TCF7L1: variants seen among roughly 807,000 people sequenced by gnomAD.
TCF7L1 encodes the protein transcription factor 7 like 1.
TCF7L1 carries 18 observed loss-of-function variants against 63.7 expected under a neutral mutation model. That is an observed-to-expected ratio of 0.28 (90% confidence interval 0.20 to 0.42). The LOEUF (loss-of-function observed/expected upper bound fraction) is 0.42, where lower values mean the gene tolerates loss of function less well. Among genes scored for constraint, TCF7L1 ranks in the 10% least tolerant of loss-of-function variants. TCF7L1 has a pLI of 1.00. For synonymous variants in TCF7L1, 355 were observed against 340.9 expected (o/e 1.04, Z -0.46); for missense variants, 654 against 779.3 (o/e 0.84, Z 1.91).
At chr2:85,150,235 T>G (rs868636213) in intron 3 of TCF7L1, among the ~76,000 whole-genome samples, 1 of 151,624 alleles carries the variant, frequency 6.6e-6, no homozygotes, top group South Asian at 2.1e-4. Context: ...TGTTCTTGAC[T>G]CTTTTTTTTT....
intron 3 of TCF7L1, among the ~76,000 whole-genome samples, chr2:85,218,641 G>T (rs1022901660): frequency 1.4e-5 from 2 of 140,014 alleles, no homozygotes; most frequent in Non-Finnish European, 3.3e-5. Flanking sequence ...TATTCCAATG[G>T]GGGGGGGAAA....
Position 85,139,334 on chromosome 2 carries a change from T to C in TCF7L1, c.441+4884T>C, listed in dbSNP as rs1302737123. ...GATTTGCACTCTTAAAACTAATTCC[T>C]AACTCTTAAACTTCTTCAACTGAAG... On this transcript the variant is annotated intron_variant, in intron 3 of 11. Transcript: ENST00000282111. Among the ~76,000 whole-genome samples the C allele has an allele frequency of 2.0e-5, 3 of 152,306 alleles. No homozygotes were observed. The East Asian group carries it at 5.8e-4, about 29-fold the overall frequency.
At chr2:85,209,524 T>C (rs143461717) in intron 3 of TCF7L1, among the ~76,000 whole-genome samples, 2 of 152,198 alleles carry the variant, frequency 1.3e-5, no homozygotes, top group Admixed American at 6.5e-5. Context: ...GCATCTTGGG[T>C]GAGAAGAGAG....
intron 3 of TCF7L1, among the ~76,000 whole-genome samples, chr2:85,177,956 A>G (rs546138915): frequency 1.8e-4 from 27 of 152,318 alleles, no homozygotes; most frequent in Non-Finnish European, 2.9e-4. Flanking sequence ...TGCAGTAAGC[A>G]TTGGGATGGC....
At chr2:85,189,096 C>T (rs1202470342) in intron 3 of TCF7L1, among the ~76,000 whole-genome samples, 1 of 152,188 alleles carries the variant, frequency 6.6e-6, no homozygotes, top group Non-Finnish European at 1.5e-5. Context: ...ATAGACTTCT[C>T]TGCTCCTCCA....
chr2:85,171,846 C>T (rs1303763455), intron 3 of TCF7L1, among the ~76,000 whole-genome samples: 1 of 152,104 alleles, frequency 6.6e-6, no homozygotes, highest in Non-Finnish European at 1.5e-5. Context: ...GTAGAGTTTA[C>T]CGTGTACATG....
At chr2:85,271,971 C>CT (rs758788095) in intron 3 of TCF7L1, among the ~76,000 whole-genome samples, 19 of 152,190 alleles carry the variant, frequency 1.2e-4, no homozygotes, top group Non-Finnish European at 2.4e-4. Flanking sequence ...CTACCCTATT[C>CT]TTGGACAACA....
intron 3 of TCF7L1, among the ~76,000 whole-genome samples, chr2:85,211,575 T>G (rs189115959): frequency 1.6e-4 from 24 of 152,320 alleles, no homozygotes; most frequent in Non-Finnish European, 1.0e-4. Flanking sequence ...TTATAGGACC[T>G]GCTCCCTGCC....
intron 3 of TCF7L1, among the ~76,000 whole-genome samples, chr2:85,273,204 C>T (rs1681194419): frequency 6.6e-6 from 1 of 152,240 alleles, no homozygotes; most frequent in African/African-American, 2.4e-5. Flanking sequence ...AGCTCCTTCT[C>T]TCTGGCCTCT....
At chr2:85,223,212 G>A (rs538844471) in intron 3 of TCF7L1, among the ~76,000 whole-genome samples, 1 of 152,320 alleles carries the variant, frequency 6.6e-6, no homozygotes, top group African/African-American at 2.4e-5. Context: ...CTCCTGAGTA[G>A]CTGGGACTAT....
At chr2:85,296,817 G>GA (rs1230500377) in intron 4 of TCF7L1, among the ~76,000 whole-genome samples, 2 of 151,754 alleles carry the variant, frequency 1.3e-5, no homozygotes, top group Non-Finnish European at 1.5e-5. Flanking sequence ...TAGATACAGA[G>GA]AAAAAAAATT....
intron 3 of TCF7L1, among the ~76,000 whole-genome samples, chr2:85,196,036 C>T (rs969263232): frequency 6.6e-6 from 1 of 152,132 alleles, no homozygotes; most frequent in African/African-American, 2.4e-5. Flanking sequence ...GGCAGCAGCC[C>T]AGTCTGCACC....
intron 3 of TCF7L1, among the ~76,000 whole-genome samples, chr2:85,279,516 G>A (rs1681362242): frequency 6.6e-6 from 1 of 152,216 alleles, no homozygotes; most frequent in Non-Finnish European, 1.5e-5. Context: ...GTACTGCAGT[G>A]GAAGAGGATT....
At chr2:85,282,219 C>G (rs950378965) in intron 3 of TCF7L1, among the ~76,000 whole-genome samples, 1 of 152,190 alleles carries the variant, frequency 6.6e-6, no homozygotes, top group Non-Finnish European at 1.5e-5. Context: ...AACTCCTGAC[C>G]TCAAGTGATC....
In TCF7L1 at chr2:85,133,724, G is replaced by A. The variant is rs1219889827; in HGVS notation, c.40G>A (p.Gly14Ser). Residue 14 changes from glycine to serine, a missense_variant, in exon 1 of 12, where the codon GGC (glycine) becomes AGC (serine). By Grantham distance (56) the Gly-to-Ser change is moderately conservative. This residue lies in a region of TCF7L1 where 404 missense variants were observed against 454.8 expected (regional missense o/e 0.89). Transcript: ENST00000282111. This position sits in a 1 kb window ranked among gnomAD's most constrained non-coding sequence, Gnocchi z 4.4. ...LGGGGGGGGG[G>S]SGGGGGSSAG... Reference sequence around the variant, plus strand: ...CGGCGGGGGCGGCGGCGGCGGCGGCGGCAGCGGGGGAGGCGGCGGCTCCAG... The same window carrying A: ...CGGCGGGGGCGGCGGCGGCGGCGGCAGCAGCGGGGGAGGCGGCGGCTCCAG... The A allele has an allele frequency of 5.8e-5, 67 of 1,148,378 alleles. No homozygotes were observed. Among genetic ancestry groups the A allele is most frequent in the Non-Finnish European group, 6.5e-5 (60 of 929,290 alleles). The allele number at this position is 1,148,378 out of a possible 1,614,324, so 71.1% of individuals were successfully genotyped here.
At chr2:85,183,536 C>T (rs1363852221) in intron 3 of TCF7L1, among the ~76,000 whole-genome samples, 2 of 152,114 alleles carry the variant, frequency 1.3e-5, no homozygotes, top group African/African-American at 4.8e-5. Context: ...GAGCCCATAA[C>T]CCTGCTGGCT....
chr2:85,197,592 A>AT lies in TCF7L1; in HGVS notation c.441+63151dup, dbSNP rs957631864. Among the ~76,000 whole-genome samples, 91 of 151,928 alleles carry AT rather than the reference A, an allele frequency of 6.0e-4. 1 individual carries two copies. The highest frequency in any genetic ancestry group is 2.9e-3 in the South Asian group (14 of 4,800). On this transcript the variant is annotated intron_variant, in intron 3 of 11. Coordinates refer to ENST00000282111, the MANE Select transcript of TCF7L1 (RefSeq NM_031283.3). ...CTACCACTTATCTGTGGAAATTAAGATTTTTTTTTGGTTCTCTGCAATCAA... is the reference window on the plus strand; with the variant it reads ...CTACCACTTATCTGTGGAAATTAAGATTTTTTTTTTGGTTCTCTGCAATCAA...
chr2:85,148,817 G>A (rs970444049), intron 3 of TCF7L1, among the ~76,000 whole-genome samples: 5 of 128,108 alleles, frequency 3.9e-5, no homozygotes, highest in African/African-American at 8.9e-5. Flanking sequence ...TCTTTTGTCC[G>A]GGCTGAAGTG....
chr2:85,294,203 A>AT (rs1202868323), intron 4 of TCF7L1, among the ~76,000 whole-genome samples: 3 of 151,596 alleles, frequency 2.0e-5, no homozygotes, highest in Non-Finnish European at 4.4e-5. Context: ...CGCCCGGCTA[A>AT]TTTTTTGTGT....
Sources: allele counts gnomAD v4.1 joint callset (sites outside exome capture counted in the v4.1 genomes callset), GRCh38; gene constraint gnomAD v4.1.1; regional missense constraint gnomAD v4.1.1; non-coding constraint Gnocchi (gnomAD v3.1); transcripts MANE v1.5; gene names NCBI Gene and HGNC (gene_info 2026-07-23, HGNC 2026-07-21).